Variants in MARK4 observed in about 807,000 individuals in gnomAD.
MARK4 encodes the protein MAP/microtubule affinity-regulating kinase 4.
Under a neutral mutation model 81.5 loss-of-function variants are expected in MARK4, and 19 were observed. That is an observed-to-expected ratio of 0.23 (90% confidence interval 0.16 to 0.34). The LOEUF is 0.34. Among genes scored for constraint, MARK4 ranks in the 10% least tolerant of loss-of-function variants. The probability of loss-of-function intolerance (pLI) is 1.00; values close to 1 mark genes in which losing one functional copy is unlikely to be tolerated. For synonymous variants in MARK4, 436 were observed against 439.0 expected, an observed-to-expected ratio of 0.99 and a Z score of 0.08; for missense variants, 772 against 1,058.8, an observed-to-expected ratio of 0.73 and a Z score of 3.76.
At chr19:45,286,954 T>C (rs1053133020) in intron 12 of MARK4, among the ~76,000 whole-genome samples, 2 of 152,150 alleles carry the variant, frequency 1.3e-5, no homozygotes, top group African/African-American at 4.8e-5. Context: ...TGCTTCCTTA[T>C]TCTTTTTTAT....
chr19:45,259,717 G>T (rs1019588174), intron 2 of MARK4, among the ~76,000 whole-genome samples: 1 of 152,244 alleles, frequency 6.6e-6, no homozygotes, highest in African/African-American at 2.4e-5. Context: ...TGAGGCTGCG[G>T]TGAGGTGTGA....
chr19:45,291,022 C>CGGGAT (rs1287614188), intron 13 of MARK4, among the ~76,000 whole-genome samples: 1 of 152,114 alleles, frequency 6.6e-6, no homozygotes, highest in African/African-American at 2.4e-5. Context: ...GGAGGGAGGC[C>CGGGAT]GGGATGCCTG....
intron 7 of MARK4, among the ~76,000 whole-genome samples, chr19:45,270,608 C>CT (rs1053209328): frequency 6.6e-5 from 10 of 151,098 alleles, no homozygotes; most frequent in African/African-American, 1.7e-4. Flanking sequence ...TCTAGCTTTT[C>CT]TTTTTTTTTG....
intron 1 of MARK4, among the ~76,000 whole-genome samples, chr19:45,256,335 A>G (rs1182350487): frequency 1.3e-5 from 2 of 152,102 alleles, no homozygotes; most frequent in Admixed American, 1.3e-4. Context: ...TACTCGGGAA[A>G]GCTGAGGCAG....
At chr19:45,252,490 A>T (rs1480674949) in intron 1 of MARK4, among the ~76,000 whole-genome samples, 2 of 149,216 alleles carry the variant, frequency 1.3e-5, no homozygotes, top group African/African-American at 5.0e-5. Flanking sequence ...CCCTTCCCCA[A>T]CCCCCAACCT....
intron 14 of MARK4, among the ~76,000 whole-genome samples, chr19:45,297,048 C>CAAAAAAA (rs35511511): frequency 4.4e-5 from 4 of 90,584 alleles, no homozygotes; most frequent in Admixed American, 1.3e-4. Context: ...GACTCTGTCT[C>CAAAAAAA]AAAAAAAAAA....
intron 15 of MARK4, 46 bp from the exon 16 acceptor site, chr19:45,299,765 T>G (rs1183601471): frequency 7.2e-6 from 11 of 1,522,048 alleles, no homozygotes; most frequent in African/African-American, 1.4e-5. Context: ...GGGAGGTGGG[T>G]TCCCTATGTC....
Position 45,302,408 on chromosome 19 carries a change from C to G in MARK4, c.1957C>G (p.Pro653Ala), listed in dbSNP as rs1471058645. 6.2e-7 allele frequency: 1 copy of G among 1,614,126 alleles called. No homozygotes were observed. Among genetic ancestry groups the G allele is most frequent in the South Asian group, 1.1e-5 (1 of 91,082 alleles). Residue 653 changes from proline to alanine, a missense_variant, in exon 17 of 17, where the codon CCC (proline) becomes GCC (alanine). By Grantham distance (27) the Pro-to-Ala change is conservative. Around this residue, in one of 3 missense-constraint regions of MARK4, gnomAD observed 548 missense variants for 624.3 expected, o/e 0.88. Transcript: ENST00000262891. The surrounding 1 kb of genome is among the most constrained non-coding windows in gnomAD (Gnocchi z 4.9). ...HLPWDQTETA[P>A]RLLRFPWSVK... ...ACCTTGGGATCAAACGGAAACCGCC[C>G]CCCGGCTGCTCCGATTCCCCTGGAG... is the stretch of plus-strand genomic sequence containing the variant.
In MARK4 at chr19:45,302,405, G is replaced by GC. The variant is rs1568505994; in HGVS notation, c.1960dup (p.Arg654ProfsTer18). ...TCTACCTTGGGATCAAACGGAAACC[G>GC]CCCCCCGGCTGCTCCGATTCCCCTG... On this transcript the variant is annotated frameshift_variant, in exon 17 of 17. Transcript: ENST00000262891. LOFTEE classifies it high-confidence loss of function. This position sits in a 1 kb window ranked among gnomAD's most constrained non-coding sequence, Gnocchi z 4.9. 7 of 1,613,974 alleles carry GC rather than the reference G, an allele frequency of 4.3e-6. No homozygotes were observed. Among genetic ancestry groups the GC allele is most frequent in the Admixed American group, 3.3e-5 (2 of 60,006 alleles).
intron 12 of MARK4, among the ~76,000 whole-genome samples, chr19:45,284,111 A>G (rs1259444283): frequency 6.6e-6 from 1 of 151,814 alleles, no homozygotes; most frequent in Non-Finnish European, 1.5e-5. Flanking sequence ...TCAGTCTCCC[A>G]GGTTCAACTG....
intron 13 of MARK4, among the ~76,000 whole-genome samples, chr19:45,292,182 A>T (rs1267252554): frequency 6.6e-6 from 1 of 152,188 alleles, no homozygotes; most frequent in Admixed American, 6.6e-5. Flanking sequence ...ACACACATGT[A>T]GTCCCAGCTA....
chr19:45,272,935 G>T (rs955334025), intron 8 of MARK4, among the ~76,000 whole-genome samples: 7 of 152,122 alleles, frequency 4.6e-5, no homozygotes, highest in African/African-American at 1.7e-4. Flanking sequence ...GTGCAACTCC[G>T]TGCATATACT....
chr19:45,280,861 T>A (rs1458750317), intron 12 of MARK4, 127 bp downstream of exon 12: 1 of 1,339,878 alleles, frequency 7.5e-7, no homozygotes. Context: ...GAGGGAGGAA[T>A]GTCTTATAAA....
chr19:45,295,828 G>T (rs770292972), intron 14 of MARK4, among the ~76,000 whole-genome samples: 1 of 152,144 alleles, frequency 6.6e-6, no homozygotes, highest in African/African-American at 2.4e-5. Flanking sequence ...TTATAGAGAT[G>T]CAGTAGAGAT....
In MARK4 at chr19:45,303,500, G is replaced by A. The variant is rs1223958576; in HGVS notation, c.*790G>A. Reference sequence around the variant, plus strand: ...TCATCTGCAGAATGGGAGCGGTGGGGGTGGGAAGGTAAGGATGGTCGTGGA... The same window carrying A: ...TCATCTGCAGAATGGGAGCGGTGGGAGTGGGAAGGTAAGGATGGTCGTGGA... On this transcript the variant is annotated 3_prime_UTR_variant, in exon 17 of 17. Coordinates refer to ENST00000262891, the MANE Select transcript of MARK4 (RefSeq NM_001199867.2). 2 of 152,088 alleles carry A rather than the reference G, an allele frequency of 1.3e-5. No individual in the cohort carries two copies. Among genetic ancestry groups the A allele is most frequent in the Non-Finnish European group, 2.9e-5 (2 of 68,034 alleles). The allele number at this position is 152,088 out of a possible 1,614,324, so 9.4% of individuals were successfully genotyped here.
At chr19:45,290,144 G>T (rs77118926) in intron 13 of MARK4, among the ~76,000 whole-genome samples, 1,540 of 152,308 alleles carry the variant, frequency 0.01, 20 homozygotes, top group African/African-American at 0.035. Flanking sequence ...AATTTTTCTC[G>T]TACGTTCTTG....
intron 12 of MARK4, among the ~76,000 whole-genome samples, chr19:45,285,516 T>G (rs942424983): frequency 1.3e-5 from 2 of 152,172 alleles, no homozygotes; most frequent in Non-Finnish European, 2.9e-5. Context: ...ACACGGGAAG[T>G]GGTGCTTCTG....
At position 45,271,629 on chromosome 19, in the gene MARK4, A is replaced by G; in HGVS notation, c.707A>G (p.Glu236Gly). The G allele has an allele frequency of 2.5e-6, 4 of 1,614,174 alleles. No homozygotes were observed. The highest frequency in any genetic ancestry group is 3.4e-6 in the Non-Finnish European group (4 of 1,180,032). The part of the protein sequence containing the change: ...LFQGKKYDGP[E>G]VDIWSLGVIL... ...CAGGGCAAGAAGTACGACGGGCCGG[A>G]GGTGGACATCTGGAGCCTGGGAGTC... The change falls in exon 8 of 17, where the codon GAG (glutamate) becomes GGG (glycine). Residue 236 changes from glutamate (E) to glycine (G), a missense_variant. By Grantham distance (98) the Glu-to-Gly change is moderately conservative. This residue lies in a region of MARK4 where 109 missense variants were observed against 294.7 expected (regional missense o/e 0.37). Transcript: ENST00000262891. This position sits in a 1 kb window ranked among gnomAD's most constrained non-coding sequence, Gnocchi z 4.1.
chr19:45,277,665 G>A (rs1970615903), intron 8 of MARK4, among the ~76,000 whole-genome samples: 3 of 151,830 alleles, frequency 2.0e-5, no homozygotes, highest in African/African-American at 7.3e-5. Flanking sequence ...TCTACGCCTG[G>A]CCAAGAATTT....
Sources: gnomAD v4.1 joint callset for allele counts (sites outside exome capture counted in the v4.1 genomes callset) on GRCh38, gnomAD v4.1.1 for gene constraint, gnomAD v4.1.1 regional missense constraint, Gnocchi (gnomAD v3.1) non-coding constraint, MANE v1.5 for transcripts, NCBI Gene and HGNC (gene_info 2026-07-23, HGNC 2026-07-21) for gene names.